The following LNPEP variants were observed in gnomAD, a reference collection of about 807,000 sequenced individuals.
The protein encoded by LNPEP is leucyl and cystinyl aminopeptidase.
LNPEP carries 64 observed loss-of-function variants against 120.6 expected under a neutral mutation model. That is an observed-to-expected ratio of 0.53 (90% CI 0.43 to 0.65). LNPEP has a LOEUF of 0.65. Among genes scored for constraint, LNPEP ranks in the 30% least tolerant of loss-of-function variants. LNPEP has a pLI of 0.00. For synonymous variants in LNPEP, 435 were observed against 425.4 expected (o/e 1.02, Z -0.28); for missense variants, 1,057 against 1,200.0 (o/e 0.88, Z 1.76).
chr5:97,036,267 CCCA>C lies in LNPEP; in HGVS notation c.*7736_*7738del, dbSNP rs144847214. 0.037 allele frequency: 5,687 copies of C among 152,190 alleles called. 183 individuals carry two copies. The highest frequency in any genetic ancestry group is 0.11 in the Middle Eastern group (34 of 296). The allele number at this position is 152,190 out of a possible 1,614,324, so 9.4% of individuals were successfully genotyped here. On this transcript the variant is annotated 3_prime_UTR_variant, in exon 18 of 18. Coordinates refer to ENST00000231368, the MANE Select transcript of LNPEP (RefSeq NM_005575.3). ...AAAAGGAATTTTCTATCTTTCATCC[CCCA>C]CATGTGGCAAGACAAGTTGGCCCTT...
rs751856973 is a variant in LNPEP at position 96,985,070 on chromosome 5, T to A, written c.861-10T>A. On this transcript the variant is annotated splice_polypyrimidine_tract_variant and intron_variant, in intron 2 of 17. Transcript: ENST00000231368. ...CAGTAACTACTGGATTGAATTTGTG[T>A]TTGTTTTAGGTACTTTGCAGCAACT... 1.9e-6 allele frequency: 3 copies of A among 1,613,668 alleles called. No individual in the cohort carries two copies. Among genetic ancestry groups the A allele is most frequent in the Non-Finnish European group, 2.5e-6 (3 of 1,179,684 alleles).
chr5:96,967,618 C>T (rs1019399396), intron 1 of LNPEP, among the ~76,000 whole-genome samples: 18 of 151,998 alleles, frequency 1.2e-4, no homozygotes, highest in Non-Finnish European at 2.4e-4. Context: ...CTACTAAGTC[C>T]TCCTGATTTA....
chr5:96,991,356 C>G (rs1790385189), intron 4 of LNPEP, among the ~76,000 whole-genome samples: 1 of 152,142 alleles, frequency 6.6e-6, no homozygotes, highest in Admixed American at 6.6e-5. Flanking sequence ...GATTCCTCTA[C>G]TTTTAGTTCT....
At chr5:96,937,235 C>T (rs1016491166) in intron 1 of LNPEP, 2 of 152,208 alleles carry the variant, frequency 1.3e-5, no homozygotes, top group African/African-American at 4.8e-5. Flanking sequence ...CAAGAGCAGA[C>T]AGATATTGTC....
At position 97,019,648 on chromosome 5, in the gene LNPEP, G is replaced by C. The variant is rs7729859; in HGVS notation, c.2377-2652G>C. 3.7e-3 allele frequency among the ~76,000 whole-genome samples: 568 copies of C among 152,218 alleles called. 8 individuals are homozygous for C. The highest frequency in any genetic ancestry group is 0.027 in the Admixed American group (412 of 15,292). The stretch of plus-strand genomic sequence containing the variant: ...AAGTGTCAGATTTCCTTTGCTTCCA[G>C]GACTTCAAGTGCCATTCTTTCCATT... On this transcript the variant is annotated intron_variant, in intron 13 of 17. Transcript: ENST00000231368.
intron 4 of LNPEP, 82 bp from the exon 5 acceptor site, chr5:96,992,933 T>C (rs1790426285): frequency 2.1e-6 from 2 of 957,970 alleles, no homozygotes; most frequent in Non-Finnish European, 3.1e-6. Context: ...TTTTCAGATA[T>C]GCTAGTCTTG....
In LNPEP at chr5:97,021,918, C is replaced by CTTTT. The variant is rs1561455270; in HGVS notation, c.2377-381_2377-378dup. The stretch of plus-strand genomic sequence containing the variant: ...TCCTGGGGTTTTTTTTGTTTTTTGT[C>CTTTT]TTTTGTTTTTTTTTTTTTTTTTTTT... On this transcript the variant is annotated intron_variant, in intron 13 of 17. Transcript: ENST00000231368. Among the ~76,000 whole-genome samples, 13 of 50,014 alleles carry CTTTT rather than the reference C, an allele frequency of 2.6e-4. No homozygotes were observed. In the South Asian group the frequency reaches 6.7e-3, roughly 26 times the overall value. The allele number at this position is 50,014 out of a possible 152,430, so 32.8% of individuals were successfully genotyped here. A position where few individuals can be genotyped will look rare whatever the true frequency, so the allele number is the denominator to read the frequency against.
intron 1 of LNPEP, among the ~76,000 whole-genome samples, chr5:96,946,407 G>A (rs1474017228): frequency 6.6e-6 from 1 of 152,192 alleles, no homozygotes; most frequent in Non-Finnish European, 1.5e-5. Flanking sequence ...AGATAATAGA[G>A]CATGTTGAAT....
intron 6 of LNPEP, among the ~76,000 whole-genome samples, chr5:96,994,370 A>G (rs973641808): frequency 2.0e-5 from 3 of 152,134 alleles, no homozygotes; most frequent in Non-Finnish European, 4.4e-5. Context: ...ATCACCTATG[A>G]CAAATGCCCA....
Position 97,006,062 on chromosome 5 carries a change from ATATT to A in LNPEP, c.1786-9_1786-6del. 8.9e-7 allele frequency: 1 copy of A among 1,122,124 alleles called. No individual in the cohort carries two copies. The highest frequency in any genetic ancestry group is 1.2e-6 in the Non-Finnish European group (1 of 839,544). 69.5% of individuals were successfully genotyped at this position (1,122,124 alleles called of 1,614,324 possible). A position where few individuals can be genotyped will look rare whatever the true frequency, so the allele number is the denominator to read the frequency against. On this transcript the variant is annotated splice_polypyrimidine_tract_variant and splice_region_variant and intron_variant, in intron 9 of 17. Coordinates refer to ENST00000231368, the MANE Select transcript of LNPEP (RefSeq NM_005575.3). ...GAAAAAGTTTTATATATATATATAT[ATATT>A]TTGTAGGTCACAAACCAAACACTAG... is the stretch of plus-strand genomic sequence containing the variant.
rs888794356 is a variant in LNPEP, at chr5:97,030,281, G to A, written c.*1748G>A. 10 of 152,060 alleles carry A rather than the reference G, an allele frequency of 6.6e-5. No homozygotes were observed. Among genetic ancestry groups the A allele is most frequent in the Non-Finnish European group, 1.5e-4 (10 of 67,986 alleles). The allele number at this position is 152,060 out of a possible 1,614,324, so 9.4% of individuals were successfully genotyped here. On this transcript the variant is annotated 3_prime_UTR_variant, in exon 18 of 18. Coordinates refer to ENST00000231368, the MANE Select transcript of LNPEP (RefSeq NM_005575.3). Reference sequence around the variant, plus strand: ...GAGAATCACAGAATCATCTAAATATGTCTTATTCAACTGAAGTGATTGTAA... The same window carrying A: ...GAGAATCACAGAATCATCTAAATATATCTTATTCAACTGAAGTGATTGTAA...
At position 97,036,275 on chromosome 5, in the gene LNPEP, T is replaced by G. The variant is rs1050604733; in HGVS notation, c.*7742T>G. ...TTTTCTATCTTTCATCCCCCACATG[T>G]GGCAAGACAAGTTGGCCCTTTCTTA... On this transcript the variant is annotated 3_prime_UTR_variant, in exon 18 of 18. Transcript: ENST00000231368. The G allele has an allele frequency of 7.9e-5, 12 of 152,272 alleles. No individual in the cohort carries two copies. The highest frequency in any genetic ancestry group is 6.5e-4 in the Admixed American group (10 of 15,280). 9.4% of individuals were successfully genotyped at this position (152,272 alleles called of 1,614,324 possible). A position where few individuals can be genotyped will look rare whatever the true frequency, so the allele number is the denominator to read the frequency against.
chr5:96,985,172 AG>A lies in LNPEP; in HGVS notation c.954del (p.Ile319SerfsTer2). ...EPAFKATFII[K>X]IIRDEQYTAL... ...GCATTTAAAGCCACTTTTATCATCAAGATCATAAGGGATGAGCAATACACCG... is the reference window on the plus strand; with the variant it reads ...GCATTTAAAGCCACTTTTATCATCAAATCATAAGGGATGAGCAATACACCG... On this transcript the variant is annotated frameshift_variant, in exon 3 of 18. Coordinates refer to ENST00000231368, the MANE Select transcript of LNPEP (RefSeq NM_005575.3). LOFTEE classifies it high-confidence loss of function. The A allele has an allele frequency of 6.2e-7, 1 of 1,613,906 alleles. No individual in the cohort carries two copies. Among genetic ancestry groups the A allele is most frequent in the Non-Finnish European group, 8.5e-7 (1 of 1,179,834 alleles).
At chr5:96,975,116 G>T (rs1026882179) in intron 1 of LNPEP, among the ~76,000 whole-genome samples, 2 of 152,204 alleles carry the variant, frequency 1.3e-5, no homozygotes, top group South Asian at 2.1e-4. Context: ...TATAGGTGAG[G>T]AAATTGAGGC....
At position 96,979,810 on chromosome 5, in the gene LNPEP, A is replaced by C; in HGVS notation, c.692A>C (p.Gln231Pro). 6.2e-7 allele frequency: 1 copy of C among 1,614,082 alleles called. No homozygotes were observed. Among genetic ancestry groups the C allele is most frequent in the Non-Finnish European group, 8.5e-7 (1 of 1,179,946 alleles). Residue 231 changes from glutamine to proline, a missense_variant, in exon 2 of 18, where the codon CAA (glutamine) becomes CCA (proline). Transcript: ENST00000231368. ...TCAGCAGTTTCAAGCCAAGAAAAAC[A>C]AGCTGAGATCCTGGAATATGCATAT... ...FMSAVSSQEKQAEILEYAYHG... is the reference protein window; with the variant it reads ...FMSAVSSQEKPAEILEYAYHG...
At chr5:96,955,004 C>A (rs1789429151) in intron 1 of LNPEP, among the ~76,000 whole-genome samples, 1 of 149,094 alleles carries the variant, frequency 6.7e-6, no homozygotes, top group South Asian at 2.1e-4. Context: ...GGATGGTCTC[C>A]ATCTCCTGAC....
At chr5:96,959,791 A>G (rs991133732) in intron 1 of LNPEP, among the ~76,000 whole-genome samples, 5 of 152,154 alleles carry the variant, frequency 3.3e-5, no homozygotes, top group Non-Finnish European at 5.9e-5. Context: ...GGGAAGATCT[A>G]AAATTTTTGA....
intron 16 of LNPEP, among the ~76,000 whole-genome samples, chr5:97,027,306 TTG>T (rs547245431): frequency 6.6e-5 from 10 of 152,068 alleles, no homozygotes; most frequent in African/African-American, 2.4e-4. Context: ...TGAGCCGAGA[TTG>T]TGCCACTGCA....
intron 1 of LNPEP, among the ~76,000 whole-genome samples, chr5:96,954,101 C>T (rs1789385031): frequency 1.3e-5 from 2 of 152,118 alleles, no homozygotes; most frequent in African/African-American, 4.8e-5. Flanking sequence ...TTATGGCATG[C>T]TAAAATAGAG....
Sources: allele counts gnomAD v4.1 joint callset (sites outside exome capture counted in the v4.1 genomes callset), GRCh38; gene constraint gnomAD v4.1.1; transcripts MANE v1.5; gene names NCBI Gene and HGNC (gene_info 2026-07-23, HGNC 2026-07-21).